ANKRD6: variants seen among roughly 807,000 people sequenced by gnomAD.
The protein encoded by ANKRD6 is ankyrin repeat domain 6.
A neutral mutation model predicts 82.3 loss-of-function variants in ANKRD6; 56 were observed. The observed-to-expected ratio is 0.68, with a 90% CI of 0.55 to 0.85. The LOEUF (loss-of-function observed/expected upper bound fraction) is 0.85, where lower values mean the gene tolerates loss of function less well. Ranked by LOEUF, ANKRD6 falls within the 40% of genes least tolerant of loss-of-function variation. The probability of loss-of-function intolerance (pLI) is 0.00; values close to 1 mark genes in which losing one functional copy is unlikely to be tolerated. For missense variants in ANKRD6, 852 were observed against 907.6 expected (o/e 0.94, Z 0.79); for synonymous variants, 347 against 352.1 (o/e 0.99, Z 0.16).
chr6:89,467,737 T>C (rs1287640793), intron 1 of ANKRD6, among the ~76,000 whole-genome samples: 2 of 152,192 alleles, frequency 1.3e-5, no homozygotes, highest in Non-Finnish European at 1.5e-5. Flanking sequence ...TGGAGAGTTA[T>C]CCCAAGAGCT....
intron 1 of ANKRD6, among the ~76,000 whole-genome samples, chr6:89,501,858 G>T (rs1409595974): frequency 6.6e-6 from 1 of 151,858 alleles, no homozygotes; most frequent in Non-Finnish European, 1.5e-5. Context: ...AAAAAAAAAG[G>T]CAGTGACTTG....
intron 2 of ANKRD6, among the ~76,000 whole-genome samples, chr6:89,593,147 C>G (rs1583560367): frequency 1.3e-5 from 2 of 152,200 alleles, no homozygotes; most frequent in South Asian, 2.1e-4. Context: ...CCTTGCTGGT[C>G]TGTATTTTCC....
At chr6:89,442,982 C>A (rs889284030) in intron 1 of ANKRD6, among the ~76,000 whole-genome samples, 1 of 152,236 alleles carries the variant, frequency 6.6e-6, no homozygotes, top group East Asian at 1.9e-4. Flanking sequence ...AAGCAATTTT[C>A]CCCCCACAAA....
intron 1 of ANKRD6, among the ~76,000 whole-genome samples, chr6:89,496,539 T>C (rs1311706463): frequency 2.0e-5 from 3 of 152,182 alleles, no homozygotes; most frequent in Non-Finnish European, 1.5e-5. Context: ...TTTATTTATT[T>C]TGAGATGGAG....
chr6:89,605,089 TA>T (rs1400285424), intron 4 of ANKRD6, among the ~76,000 whole-genome samples: 1 of 152,104 alleles, frequency 6.6e-6, no homozygotes, highest in East Asian at 1.9e-4. Flanking sequence ...GACTTCTATT[TA>T]AAAGCAACAC....
At chr6:89,519,696 G>A (rs1228788140) in intron 1 of ANKRD6, among the ~76,000 whole-genome samples, 1 of 152,214 alleles carries the variant, frequency 6.6e-6, no homozygotes, top group Non-Finnish European at 1.5e-5. Flanking sequence ...GATAGTAATA[G>A]CAGCTAGTAT....
At chr6:89,491,092 AG>A (rs904123476) in intron 1 of ANKRD6, among the ~76,000 whole-genome samples, 29 of 152,136 alleles carry the variant, frequency 1.9e-4, no homozygotes, top group African/African-American at 5.8e-4. Flanking sequence ...AGAAGCTGGA[AG>A]GGTTCTCCCC....
At chr6:89,440,284 A>C (rs920936002) in intron 1 of ANKRD6, among the ~76,000 whole-genome samples, 5 of 152,240 alleles carry the variant, frequency 3.3e-5, no homozygotes, top group African/African-American at 1.2e-4. Context: ...TGACAAGACA[A>C]AGGAAAAAGA....
At chr6:89,537,548 C>A (rs1229041243) in intron 1 of ANKRD6, among the ~76,000 whole-genome samples, 1 of 151,864 alleles carries the variant, frequency 6.6e-6, no homozygotes, top group South Asian at 2.1e-4. Context: ...ATGCTCTGAG[C>A]GGCTGCCTAG....
chr6:89,624,577 C>T lies in ANKRD6; in HGVS notation c.1257C>T (p.Asn419=). Residue 419 remains asparagine (N), a synonymous_variant, in exon 13 of 16, where the codon AAC becomes AAT. Transcript: ENST00000339746. ...GTTGTCGATGTGAACCTCTAATCAA[C>T]AAGCTGGAGAATCAGTTGGAGGCTA... ...INGCRCEPLI[N]KLENQLEATV... is the part of the protein sequence containing the mutation. 6.4e-7 allele frequency: 1 copy of T among 1,555,922 alleles called. No individual in the cohort carries two copies. The highest frequency in any genetic ancestry group is 1.4e-5 in the African/African-American group (1 of 73,358).
intron 1 of ANKRD6, among the ~76,000 whole-genome samples, chr6:89,532,399 C>T (rs543891404): frequency 6.6e-6 from 1 of 152,350 alleles, no homozygotes; most frequent in South Asian, 2.1e-4. Flanking sequence ...GCTTTTTCAT[C>T]TGGCTCATTC....
chr6:89,450,732 G>A (rs1005056171), intron 1 of ANKRD6, among the ~76,000 whole-genome samples: 2 of 151,180 alleles, frequency 1.3e-5, no homozygotes, highest in African/African-American at 4.9e-5. Flanking sequence ...GGCTAGTCTC[G>A]ATCTCCTGGG....
intron 1 of ANKRD6, among the ~76,000 whole-genome samples, chr6:89,473,853 G>C (rs1582797518): frequency 6.6e-6 from 1 of 152,214 alleles, no homozygotes; most frequent in African/African-American, 2.4e-5. Context: ...GGTGGCACAT[G>C]CCTGTAATCC....
intron 1 of ANKRD6, among the ~76,000 whole-genome samples, chr6:89,474,075 G>A (rs1341001675): frequency 5.3e-5 from 8 of 152,010 alleles, no homozygotes; most frequent in East Asian, 3.9e-4. Flanking sequence ...CCAAATAGAC[G>A]ACTGTCTCAC....
chr6:89,625,889 T>G (rs1180308033), intron 13 of ANKRD6, among the ~76,000 whole-genome samples: 1 of 152,062 alleles, frequency 6.6e-6, no homozygotes, highest in East Asian at 1.9e-4. Flanking sequence ...GACGCCACCA[T>G]GCCCACCTAA....
At chr6:89,509,118 G>A (rs1228150070) in intron 1 of ANKRD6, 1 of 152,242 alleles carries the variant, frequency 6.6e-6, no homozygotes, top group Non-Finnish European at 1.5e-5. Context: ...TGGGAGGCGG[G>A]CGCTTCCTTT....
chr6:89,523,377 T>C (rs917674223), intron 1 of ANKRD6, among the ~76,000 whole-genome samples: 1 of 152,320 alleles, frequency 6.6e-6, no homozygotes, highest in Non-Finnish European at 1.5e-5. Context: ...AAAGATAAGA[T>C]ATTGAAGAAG....
intron 1 of ANKRD6, among the ~76,000 whole-genome samples, chr6:89,519,816 T>G (rs970255666): frequency 6.6e-6 from 1 of 152,226 alleles, no homozygotes; most frequent in Non-Finnish European, 1.5e-5. Context: ...TTCATAATCA[T>G]CTCTTTAGAA....
chr6:89,537,570 C>A (rs913259306), intron 1 of ANKRD6, among the ~76,000 whole-genome samples: 2 of 151,698 alleles, frequency 1.3e-5, no homozygotes, highest in Non-Finnish European at 2.9e-5. Context: ...CCACAAAAAT[C>A]TGAATTATTA....
Sources: allele counts gnomAD v4.1 joint callset (sites outside exome capture counted in the v4.1 genomes callset), GRCh38; gene constraint gnomAD v4.1.1; transcripts MANE v1.5; gene names NCBI Gene and HGNC (gene_info 2026-07-23, HGNC 2026-07-21).